The following LRRTM4 variants were observed in gnomAD, a reference collection of about 807,000 sequenced individuals.
LRRTM4 encodes the protein leucine-rich repeat transmembrane neuronal protein 4.
In LRRTM4, 25 loss-of-function variants were observed where a neutral mutation model predicts 47.6. That is an observed-to-expected ratio of 0.53 (90% CI 0.38 to 0.73). The LOEUF (loss-of-function observed/expected upper bound fraction) is 0.73. Among genes scored for constraint, LRRTM4 ranks in the 30% least tolerant of loss-of-function variants. The pLI is 0.00. For missense variants in LRRTM4, 638 were observed against 713.4 expected, an observed-to-expected ratio of 0.89 and a Z score of 1.20; for synonymous variants, 311 against 269.5, an observed-to-expected ratio of 1.15 and a Z score of -1.51.
At chr2:76,860,842 G>A (rs957308294) in intron 3 of LRRTM4, among the ~76,000 whole-genome samples, 1 of 151,886 alleles carries the variant, frequency 6.6e-6, no homozygotes, top group Non-Finnish European at 1.5e-5. Context: ...TATTGAGTGG[G>A]TAATGAATCC....
At chr2:77,432,238 T>C (rs768762801) in intron 3 of LRRTM4, among the ~76,000 whole-genome samples, 11 of 152,200 alleles carry the variant, frequency 7.2e-5, no homozygotes, top group Non-Finnish European at 1.5e-4. Context: ...CACATAGCCC[T>C]GCCCCTGTGA....
intron 3 of LRRTM4, among the ~76,000 whole-genome samples, chr2:77,500,889 T>C (rs923873828): frequency 2.6e-5 from 4 of 151,502 alleles, no homozygotes; most frequent in Non-Finnish European, 5.9e-5. Context: ...ATGTCCAAGA[T>C]ATATTGAGTG....
chr2:77,136,927 A>G (rs1671962298), intron 3 of LRRTM4, among the ~76,000 whole-genome samples: 1 of 151,934 alleles, frequency 6.6e-6, no homozygotes, highest in Admixed American at 6.5e-5. Context: ...GTTTAGAGAA[A>G]AAAGAGTCAA....
intron 3 of LRRTM4, among the ~76,000 whole-genome samples, chr2:77,054,607 T>A (rs965179044): frequency 5.3e-5 from 8 of 152,206 alleles, no homozygotes; most frequent in Non-Finnish European, 8.8e-5. Context: ...ACTAGATTAT[T>A]TCTCATTAAT....
At chr2:76,804,229 T>C (rs1675848438) in intron 3 of LRRTM4, among the ~76,000 whole-genome samples, 1 of 152,198 alleles carries the variant, frequency 6.6e-6, no homozygotes, top group Non-Finnish European at 1.5e-5. Flanking sequence ...TTGTTGAAGA[T>C]ATTATGTAGA....
rs1227359813 is a variant in LRRTM4 at position 77,083,797 on chromosome 2, T to G, written c.1552-334881A>C. On this transcript the variant is annotated intron_variant, in intron 3 of 3. Transcript: ENST00000409884. ...AACTGGACACACTTTTTTTTTTTTT[T>G]TTTTTTTTTTTTTTTTTTTTTTTTT... Among the ~76,000 whole-genome samples the G allele has an allele frequency of 1.8e-4, 18 of 97,942 alleles. 1 individual carries two copies. Among genetic ancestry groups the G allele is most frequent in the African/African-American group, 4.4e-4 (11 of 24,818 alleles). 64.3% of individuals were successfully genotyped at this position (97,942 alleles called of 152,430 possible).
At chr2:77,136,321 A>C (rs936332839) in intron 3 of LRRTM4, among the ~76,000 whole-genome samples, 2 of 152,174 alleles carry the variant, frequency 1.3e-5, no homozygotes, top group African/African-American at 2.4e-5. Context: ...CTGTTCAACA[A>C]TATTTGCTGT....
At position 77,067,077 on chromosome 2, in the gene LRRTM4, A is replaced by G. The variant is rs569063678; in HGVS notation, c.1552-318161T>C. On this transcript the variant is annotated intron_variant, in intron 3 of 3. Transcript: ENST00000409884. ...AAAGTATAGCACATTCCCAGTTAAT[A>G]GAACTGGAGATAAGTCTACTTCTGA... is the stretch of plus-strand genomic sequence containing the variant. 2.0e-5 allele frequency among the ~76,000 whole-genome samples: 3 copies of G among 152,344 alleles called. No individual in the cohort carries two copies. The South Asian group carries it at 6.2e-4, about 32-fold the overall frequency.
rs112844379 is a variant in LRRTM4, at chr2:76,802,630, C to G, written c.1552-53714G>C. Among the ~76,000 whole-genome samples, 611 of 152,088 alleles carry G rather than the reference C, an allele frequency of 4.0e-3. 3 individuals are homozygous for G. The highest frequency in any genetic ancestry group is 0.013 in the African/African-American group (551 of 41,534). On this transcript the variant is annotated intron_variant, in intron 3 of 3. Coordinates refer to ENST00000409884, the MANE Select transcript of LRRTM4 (RefSeq NM_001134745.3). ...AGAATTGTACAATTTATATGGAACC[C>G]TAGAAGATCCCAAAGATCCAAAATA...
At chr2:76,830,197 A>G (rs1207453425) in intron 3 of LRRTM4, among the ~76,000 whole-genome samples, 13 of 152,026 alleles carry the variant, frequency 8.6e-5, no homozygotes, top group Non-Finnish European at 1.5e-5. Flanking sequence ...ATTCTTCCAT[A>G]TCTATAGTGT....
At chr2:76,966,184 A>G (rs1676017154) in intron 3 of LRRTM4, among the ~76,000 whole-genome samples, 1 of 151,552 alleles carries the variant, frequency 6.6e-6, no homozygotes, top group South Asian at 2.1e-4. Flanking sequence ...TTGGAACATA[A>G]CAATGAATTG....
chr2:76,974,926 T>C (rs1171179615), intron 3 of LRRTM4, among the ~76,000 whole-genome samples: 1 of 151,726 alleles, frequency 6.6e-6, no homozygotes, highest in African/African-American at 2.4e-5. Flanking sequence ...ATAATATCTT[T>C]TTTCTCTTTT....
At chr2:77,355,915 A>G (rs972616623) in intron 3 of LRRTM4, among the ~76,000 whole-genome samples, 10 of 152,186 alleles carry the variant, frequency 6.6e-5, no homozygotes, top group Admixed American at 4.6e-4. Context: ...CAACATGACA[A>G]AAGCCTAATT....
intron 3 of LRRTM4, among the ~76,000 whole-genome samples, chr2:77,111,802 G>A (rs898019465): frequency 1.3e-5 from 2 of 152,068 alleles, no homozygotes; most frequent in African/African-American, 4.8e-5. Context: ...CTTTCTTTAA[G>A]TAAAAAGGTG....
At chr2:76,959,835 A>C (rs1675794465) in intron 3 of LRRTM4, among the ~76,000 whole-genome samples, 1 of 151,648 alleles carries the variant, frequency 6.6e-6, no homozygotes, top group Non-Finnish European at 1.5e-5. Flanking sequence ...TACATTATTT[A>C]AAATTCCAGT....
In LRRTM4 at chr2:77,519,209, G is replaced by A. The variant is rs751514380; in HGVS notation, c.660C>T (p.Ile220=). 1 of 1,613,288 alleles carries A rather than the reference G, an allele frequency of 6.2e-7. No homozygotes were observed. The highest frequency in any genetic ancestry group is 1.3e-5 in the African/African-American group (1 of 74,990). ...LHLEHNQFSK[I]NFAHFPRLFN... ...AGAGACGTGGAAAATGAGCAAAGTT[G>A]ATCTTGGAAAACTGGTTGTGCTCCA... is the stretch of plus-strand genomic sequence containing the variant. Residue 220 remains isoleucine, a synonymous_variant, in exon 3 of 4, where the codon ATC becomes ATT. Coordinates refer to ENST00000409884, the MANE Select transcript of LRRTM4 (RefSeq NM_001134745.3). The surrounding 1 kb of genome is among the most constrained non-coding windows in gnomAD (Gnocchi z 4.6).
At chr2:77,135,500 T>C (rs1671911348) in intron 3 of LRRTM4, among the ~76,000 whole-genome samples, 1 of 152,216 alleles carries the variant, frequency 6.6e-6, no homozygotes, top group African/African-American at 2.4e-5. Flanking sequence ...TAAATATCAA[T>C]GTTATCAGTG....
intron 3 of LRRTM4, among the ~76,000 whole-genome samples, chr2:77,028,520 G>C (rs1046741291): frequency 6.6e-6 from 1 of 152,106 alleles, no homozygotes; most frequent in African/African-American, 2.4e-5. Flanking sequence ...TGTGGGATGA[G>C]ATTGGAAGAG....
intron 3 of LRRTM4, among the ~76,000 whole-genome samples, chr2:77,183,460 G>C (rs1673407802): frequency 6.6e-6 from 1 of 152,122 alleles, no homozygotes; most frequent in East Asian, 1.9e-4. Context: ...TGGAGAAATA[G>C]GAATACTTTT....
Sources: allele counts gnomAD v4.1 joint callset (sites outside exome capture counted in the v4.1 genomes callset), GRCh38; gene constraint gnomAD v4.1.1; non-coding constraint Gnocchi (gnomAD v3.1); transcripts MANE v1.5; gene names NCBI Gene and HGNC (gene_info 2026-07-23, HGNC 2026-07-21).